Variants in RALYL observed in about 807,000 individuals in gnomAD.
RALYL encodes RNA-binding Raly-like protein.
Under a neutral mutation model 35.1 loss-of-function variants are expected in RALYL, and 29 were observed. The ratio of observed to expected loss-of-function variants is 0.83; its 90% CI spans 0.61 to 1.13. The LOEUF is 1.13. Among genes scored for constraint, RALYL ranks in the 50% most tolerant of loss-of-function variants. The pLI is 0.00. For synonymous variants in RALYL, 120 were observed against 127.6 expected (o/e 0.94, Z 0.40); for missense variants, 359 against 360.4 (o/e 1.00, Z 0.03).
At chr8:84,919,683 A>T (rs1849022373) in intron 8 of RALYL, among the ~76,000 whole-genome samples, 1 of 152,164 alleles carries the variant, frequency 6.6e-6, no homozygotes, top group Non-Finnish European at 1.5e-5. Context: ...AGAATATATC[A>T]AAATACAGTG....
rs1299060133 is a variant in RALYL at position 84,420,688 on chromosome 8, T to C, written c.-23-108611T>C. On this transcript the variant is annotated intron_variant, in intron 1 of 8. Transcript: ENST00000521268. ...GGTTTTTATGGTTTTAGGTCTAACG[T>C]TTAAATCTTTAATCCATCTTGAATT... Among the ~76,000 whole-genome samples the C allele has an allele frequency of 4.0e-3, 498 of 123,662 alleles. 6 individuals are homozygous for C. The highest frequency in any genetic ancestry group is 0.016 in the African/African-American group (461 of 28,872). The allele number at this position is 123,662 out of a possible 152,430, so 81.1% of individuals were successfully genotyped here.
chr8:84,638,949 T>TAC (rs1223666334), intron 2 of RALYL, among the ~76,000 whole-genome samples: 28 of 81,390 alleles, frequency 3.4e-4, no homozygotes, highest in Middle Eastern at 5.9e-3. Flanking sequence ...CATATATATG[T>TAC]ACACACACAC....
At chr8:84,773,117 C>A (rs1248697335) in intron 2 of RALYL, among the ~76,000 whole-genome samples, 3 of 152,138 alleles carry the variant, frequency 2.0e-5, no homozygotes, top group Non-Finnish European at 2.9e-5. Context: ...CCCGCTGAAC[C>A]ACAAGGATGT....
chr8:84,476,948 G>A (rs767275254), intron 1 of RALYL, among the ~76,000 whole-genome samples: 8 of 152,144 alleles, frequency 5.3e-5, no homozygotes, highest in Non-Finnish European at 1.2e-4. Context: ...ATGTGGTAAT[G>A]AAGACATGGT....
chr8:84,844,082 C>A (rs558358693), intron 4 of RALYL, among the ~76,000 whole-genome samples: 274 of 152,184 alleles, frequency 1.8e-3, no homozygotes, highest in African/African-American at 6.2e-3. Flanking sequence ...TCTAAAACAC[C>A]AAAAGCAATG....
At chr8:84,681,170 G>A (rs1835396536) in intron 2 of RALYL, among the ~76,000 whole-genome samples, 1 of 152,070 alleles carries the variant, frequency 6.6e-6, no homozygotes, top group South Asian at 2.1e-4. Context: ...TAGATATGTG[G>A]CATTATTTCT....
intron 1 of RALYL, among the ~76,000 whole-genome samples, chr8:84,191,079 G>A (rs1813732819): frequency 6.6e-6 from 1 of 151,756 alleles, no homozygotes; most frequent in African/African-American, 2.4e-5. Flanking sequence ...ATGAATTTTT[G>A]AAATAAACTA....
At chr8:84,268,945 G>C (rs535515297) in intron 1 of RALYL, among the ~76,000 whole-genome samples, 1 of 152,026 alleles carries the variant, frequency 6.6e-6, no homozygotes, top group Non-Finnish European at 1.5e-5. Context: ...TCAAATTAAG[G>C]GTATTTTTAA....
At chr8:84,547,634 C>T (rs2060453369) in intron 2 of RALYL, among the ~76,000 whole-genome samples, 1 of 152,156 alleles carries the variant, frequency 6.6e-6, no homozygotes, top group Non-Finnish European at 1.5e-5. Context: ...CCACCTCAGT[C>T]TCCCAAAGTG....
At chr8:84,369,299 C>A (rs942680285) in intron 1 of RALYL, among the ~76,000 whole-genome samples, 9 of 149,652 alleles carry the variant, frequency 6.0e-5, no homozygotes, top group Non-Finnish European at 1.3e-4. Context: ...GTGGAAAAAA[C>A]TAGTATTTAT....
At chr8:84,842,342 C>A (rs150956041) in intron 4 of RALYL, among the ~76,000 whole-genome samples, 3,390 of 152,278 alleles carry the variant, frequency 0.022, 128 homozygotes, top group African/African-American at 0.077. Context: ...ATAAACACCT[C>A]TACGCAAATA....
intron 6 of RALYL, among the ~76,000 whole-genome samples, chr8:84,866,271 G>A (rs975068752): frequency 1.3e-5 from 2 of 152,082 alleles, no homozygotes; most frequent in Non-Finnish European, 2.9e-5. Context: ...TGCCTGGAGT[G>A]GAGTCTGTTC....
At chr8:84,371,139 A>T (rs1350375197) in intron 1 of RALYL, among the ~76,000 whole-genome samples, 1 of 151,992 alleles carries the variant, frequency 6.6e-6, no homozygotes, top group African/African-American at 2.4e-5. Context: ...CCCCTGTAGA[A>T]GCAGATTCAT....
intron 7 of RALYL, 47 bp downstream of exon 7, chr8:84,873,444 CGTT>C: frequency 8.6e-7 from 1 of 1,161,178 alleles, no homozygotes; most frequent in Non-Finnish European, 1.3e-6. Flanking sequence ...ACCAGTGAAA[CGTT>C]GTCAATCACA....
intron 2 of RALYL, among the ~76,000 whole-genome samples, chr8:84,713,844 A>G (rs1842561698): frequency 6.6e-6 from 1 of 150,888 alleles, no homozygotes; most frequent in Non-Finnish European, 1.5e-5. Flanking sequence ...ATGTCCATCC[A>G]CAGATAGGAT....
intron 2 of RALYL, among the ~76,000 whole-genome samples, chr8:84,583,017 A>G (rs912205508): frequency 6.6e-6 from 1 of 152,116 alleles, no homozygotes; most frequent in Admixed American, 6.5e-5. Flanking sequence ...CCATCTATCT[A>G]TACACTAAGA....
At position 84,183,927 on chromosome 8, in the gene RALYL, CTT is replaced by C. The variant is rs1202172650; in HGVS notation, c.-515_-514del. 1 of 152,200 alleles carries C rather than the reference CTT, an allele frequency of 6.6e-6. No homozygotes were observed. Among genetic ancestry groups the C allele is most frequent in the African/African-American group, 2.4e-5 (1 of 41,366 alleles). 9.4% of individuals were successfully genotyped at this position (152,200 alleles called of 1,614,324 possible). Reference sequence around the variant, plus strand: ...AAAAATAAAAAGCATGTTTCTAACTCTTTTTTTGCATACTCTTTTTCTGATAA... The same window carrying C: ...AAAAATAAAAAGCATGTTTCTAACTCTTTTTGCATACTCTTTTTCTGATAA... On this transcript the variant is annotated 5_prime_UTR_variant, in exon 1 of 9. An upstream open reading frame in the 5' UTR gains an earlier in-frame stop. Coordinates refer to ENST00000521268, the MANE Select transcript of RALYL (RefSeq NM_173848.7).
chr8:84,764,226 T>A (rs1192723544), intron 2 of RALYL, among the ~76,000 whole-genome samples: 1 of 152,214 alleles, frequency 6.6e-6, no homozygotes, highest in Non-Finnish European at 1.5e-5. Flanking sequence ...ATGATGCCTG[T>A]TACATTTTCT....
chr8:84,522,968 AC>A (rs200254298), intron 1 of RALYL, among the ~76,000 whole-genome samples: 2,049 of 152,284 alleles, frequency 0.013, 49 homozygotes, highest in African/African-American at 0.046. Flanking sequence ...AGGGGGCCTC[AC>A]AATCATGACA....
Sources: allele counts gnomAD v4.1 joint callset (sites outside exome capture counted in the v4.1 genomes callset), GRCh38; gene constraint gnomAD v4.1.1; transcripts MANE v1.5; gene names NCBI Gene and HGNC (gene_info 2026-07-23, HGNC 2026-07-21).